Variants in GNAO1 observed in about 807,000 individuals in gnomAD.
The protein encoded by GNAO1 is G protein subunit alpha o1, also known as guanine nucleotide-binding protein G(o) subunit alpha.
For synonymous variants in GNAO1, 164 were observed against 180.7 expected (o/e 0.91, Z 0.74); for missense variants, 166 against 478.7 (o/e 0.35, Z 6.10).
At chr16:56,268,132 C>A (rs867040796) in intron 2 of GNAO1, among the ~76,000 whole-genome samples, 5 of 152,186 alleles carry the variant, frequency 3.3e-5, no homozygotes. Context: ...CACATCTCTT[C>A]CTCTCCATAT....
intron 3 of GNAO1, chr16:56,300,639 G>C (rs141046413): frequency 6.6e-6 from 1 of 152,278 alleles, no homozygotes; most frequent in African/African-American, 2.4e-5. Flanking sequence ...TAAAATACTG[G>C]CCTCTCCAGA....
intron 3 of GNAO1, among the ~76,000 whole-genome samples, chr16:56,319,478 C>T (rs1445308141): frequency 2.0e-5 from 3 of 152,158 alleles, no homozygotes; most frequent in Non-Finnish European, 4.4e-5. Context: ...AGCCTACGCC[C>T]CTCCTTGGAG....
chr16:56,253,708 T>C (rs1340907025), intron 2 of GNAO1, among the ~76,000 whole-genome samples: 1 of 152,114 alleles, frequency 6.6e-6, no homozygotes, highest in Admixed American at 6.5e-5. Context: ...TGCACAGACA[T>C]GTGTAGCCAG....
intron 4 of GNAO1, 27 bp from the exon 5 acceptor site, chr16:56,334,702 T>C (rs2037723392): frequency 1.2e-6 from 2 of 1,613,318 alleles, no homozygotes; most frequent in South Asian, 1.1e-5. Context: ...ATTTGGTCCA[T>C]AGTCCCCTGT....
At chr16:56,286,249 T>C (rs2037166009) in intron 3 of GNAO1, among the ~76,000 whole-genome samples, 1 of 152,182 alleles carries the variant, frequency 6.6e-6, no homozygotes, top group Non-Finnish European at 1.5e-5. Flanking sequence ...CCGTTCCCTC[T>C]TCTTTCTTTG....
chr16:56,342,241 C>T (rs1055298936), intron 6 of GNAO1, among the ~76,000 whole-genome samples: 5 of 152,146 alleles, frequency 3.3e-5, no homozygotes, highest in Admixed American at 2.6e-4. Context: ...GAGGAGGGGA[C>T]AAGGGAGGCT....
intron 2 of GNAO1, among the ~76,000 whole-genome samples, chr16:56,195,537 A>G (rs2036225021): frequency 6.6e-6 from 1 of 152,230 alleles, no homozygotes; most frequent in African/African-American, 2.4e-5. Flanking sequence ...CCGAAAATCT[A>G]GGTGGCATTT....
chr16:56,206,912 T>C (rs2036335854), intron 2 of GNAO1, among the ~76,000 whole-genome samples: 2 of 152,240 alleles, frequency 1.3e-5, no homozygotes, highest in Non-Finnish European at 2.9e-5. Flanking sequence ...CACCAGCTTA[T>C]TGATGTGTGT....
In GNAO1 at chr16:56,338,838, C is replaced by T. The variant is rs534940850; in HGVS notation, c.723+1978C>T. 3.9e-5 allele frequency among the ~76,000 whole-genome samples: 6 copies of T among 152,378 alleles called. No homozygotes were observed. In the East Asian group the frequency reaches 1.2e-3, roughly 29 times the overall value. ...GGTGCTGGGCCTGGCACTGGGTGACCTTCCAGCCTGCGGGCCTTGCTGCCT... is the reference window on the plus strand; with the variant it reads ...GGTGCTGGGCCTGGCACTGGGTGACTTTCCAGCCTGCGGGCCTTGCTGCCT... On this transcript the variant is annotated intron_variant, in intron 6 of 8. Coordinates refer to ENST00000262493, the MANE Select transcript of GNAO1 (RefSeq NM_020988.3).
At chr16:56,276,914 A>G (rs888330325) in intron 3 of GNAO1, 5 of 152,184 alleles carry the variant, frequency 3.3e-5, no homozygotes, top group Non-Finnish European at 7.4e-5. Context: ...TGGGCTCTGC[A>G]TCTGAGCCTC....
intron 2 of GNAO1, among the ~76,000 whole-genome samples, chr16:56,203,485 A>C (rs1203745713): frequency 6.6e-6 from 1 of 152,074 alleles, no homozygotes; most frequent in Non-Finnish European, 1.5e-5. Context: ...ATGTTTCCAC[A>C]TCTCAATTGC....
chr16:56,281,631 C>T (rs2037115537), intron 3 of GNAO1, among the ~76,000 whole-genome samples: 2 of 152,022 alleles, frequency 1.3e-5, no homozygotes, highest in African/African-American at 4.8e-5. Flanking sequence ...TTCCTCCTCA[C>T]TCCAGCTCAT....
intron 2 of GNAO1, among the ~76,000 whole-genome samples, chr16:56,227,687 C>CAAAAAAAAAAAAAAAAAAAAAAAAAAAAA (rs386384777): frequency 1.6e-5 from 1 of 61,954 alleles, no homozygotes; most frequent in Non-Finnish European, 2.9e-5. Flanking sequence ...GACCCTGTCT[C>CAAAAAAAAAAAAAAAAAAAAAAAAAAAAA]AAAAAAAAAA....
chr16:56,202,727 C>T (rs1219499561), intron 2 of GNAO1, among the ~76,000 whole-genome samples: 10 of 152,316 alleles, frequency 6.6e-5, no homozygotes, highest in African/African-American at 2.2e-4. Flanking sequence ...CATTTCTTTT[C>T]TCTGTGAAGT....
rs200466903 is a variant in GNAO1 at position 56,340,845 on chromosome 16, C to G, written c.723+3985C>G. Reference sequence around the variant, plus strand: ...CCACTCTGTTGCAGAACCGCATGCACGAATCCCTGAAGCTTTTTGACAGCA... The same window carrying G: ...CCACTCTGTTGCAGAACCGCATGCAGGAATCCCTGAAGCTTTTTGACAGCA... On this transcript the variant is annotated intron_variant, in intron 6 of 8. Transcript: ENST00000262493. 1.4e-4 allele frequency: 225 copies of G among 1,613,780 alleles called. No homozygotes were observed. Among genetic ancestry groups the G allele is most frequent in the South Asian group, 3.4e-4 (31 of 91,016 alleles).
intron 2 of GNAO1, among the ~76,000 whole-genome samples, chr16:56,271,617 C>G (rs1286286403): frequency 6.6e-6 from 1 of 152,030 alleles, no homozygotes; most frequent in African/African-American, 2.4e-5. Flanking sequence ...CCACACCAGG[C>G]TAATTTTTGT....
chr16:56,346,921 G>A, intron 6 of GNAO1: 1 of 985,446 alleles, frequency 1.0e-6, no homozygotes, highest in African/African-American at 1.7e-5. Context: ...CTTCCCTTTG[G>A]CCAACATGAG....
chr16:56,262,944 T>C (rs544810515), intron 2 of GNAO1, among the ~76,000 whole-genome samples: 1 of 152,314 alleles, frequency 6.6e-6, no homozygotes, highest in South Asian at 2.1e-4. Flanking sequence ...AATTTAACCG[T>C]TGGGTTTCAA....
At chr16:56,302,998 T>C (rs2037359801) in intron 3 of GNAO1, 1 of 152,244 alleles carries the variant, frequency 6.6e-6, no homozygotes, top group Non-Finnish European at 1.5e-5. Flanking sequence ...ACACCTGGTA[T>C]CTACTATCTC....
Sources: allele counts gnomAD v4.1 joint callset (sites outside exome capture counted in the v4.1 genomes callset), GRCh38; gene constraint gnomAD v4.1.1; transcripts MANE v1.5; gene names NCBI Gene and HGNC (gene_info 2026-07-23, HGNC 2026-07-21).